Variants in TMEM26 observed in about 807,000 individuals in gnomAD.
TMEM26 encodes the protein transmembrane protein 26.
TMEM26 carries 38 observed loss-of-function variants against 28.8 expected under a neutral mutation model. That is an observed-to-expected ratio of 1.32 (90% CI 1.02 to 1.73). The LOEUF is 1.73. Among genes scored for constraint, TMEM26 ranks in the 40% most tolerant of loss-of-function variants. The pLI is 0.00. For missense variants in TMEM26, 518 were observed against 447.1 expected (o/e 1.16, Z -1.43); for synonymous variants, 227 against 182.9 (o/e 1.24, Z -1.95).
At position 61,438,315 on chromosome 10, in the gene TMEM26, T is replaced by C. The variant is rs922461078; in HGVS notation, c.192-2067A>G. 2.0e-5 allele frequency among the ~76,000 whole-genome samples: 3 copies of C among 152,296 alleles called. No individual in the cohort carries two copies. In the East Asian group the frequency reaches 5.8e-4, roughly 29 times the overall value. On this transcript the variant is annotated intron_variant, in intron 1 of 5. Transcript: ENST00000399298. ...CTTAGAAAAAAAAGAACAATTAACT[T>C]TTTGACCTCACATATCAAAGGAAAC...
chr10:61,447,070 G>A (rs756922123), intron 1 of TMEM26, among the ~76,000 whole-genome samples: 6 of 152,100 alleles, frequency 3.9e-5, no homozygotes, highest in Non-Finnish European at 7.4e-5. Context: ...CAGGCAACTT[G>A]GACACGAAGT....
intron 2 of TMEM26, among the ~76,000 whole-genome samples, chr10:61,434,541 T>C (rs1359307683): frequency 2.0e-5 from 3 of 152,176 alleles, no homozygotes; most frequent in Admixed American, 6.5e-5. Flanking sequence ...AAGTAGTAAA[T>C]AGTAAAGAGA....
intron 4 of TMEM26, among the ~76,000 whole-genome samples, chr10:61,418,995 G>T (rs1235191469): frequency 2.0e-5 from 3 of 152,116 alleles, no homozygotes; most frequent in Non-Finnish European, 4.4e-5. Context: ...ATTCCAATCT[G>T]CCCAAGTTAT....
chr10:61,452,677 G>T, intron 1 of TMEM26: 1 of 558,114 alleles, frequency 1.8e-6, no homozygotes, highest in South Asian at 2.3e-5. Context: ...TAGGCTCACA[G>T]ATCGAGCCTT....
chr10:61,450,111 C>T (rs1422745094), intron 1 of TMEM26, among the ~76,000 whole-genome samples: 1 of 152,096 alleles, frequency 6.6e-6, no homozygotes, highest in Non-Finnish European at 1.5e-5. Flanking sequence ...TATTTTTGCT[C>T]ATGTCTTCAC....
chr10:61,422,299 G>A (rs1839762374), intron 4 of TMEM26, among the ~76,000 whole-genome samples: 1 of 152,028 alleles, frequency 6.6e-6, no homozygotes, highest in South Asian at 2.1e-4. Flanking sequence ...ACACTATCAA[G>A]CAAGGTGATG....
intron 1 of TMEM26, among the ~76,000 whole-genome samples, chr10:61,439,124 T>C (rs903351289): frequency 6.6e-6 from 1 of 152,220 alleles, no homozygotes; most frequent in African/African-American, 2.4e-5. Context: ...TTATGAAAGC[T>C]TATTTTGGAA....
intron 3 of TMEM26, 58 bp from the exon 4 acceptor site, chr10:61,429,204 A>G: frequency 7.0e-7 from 1 of 1,427,960 alleles, no homozygotes. Context: ...AGAGAGAAAT[A>G]TTTTCCTCAC....
chr10:61,450,861 G>C (rs1479512263), intron 1 of TMEM26, among the ~76,000 whole-genome samples: 1 of 152,058 alleles, frequency 6.6e-6, no homozygotes, highest in African/African-American at 2.4e-5. Flanking sequence ...AGTGTGCCTA[G>C]TTGATACAAT....
chr10:61,439,423 T>C (rs1422557758), intron 1 of TMEM26, among the ~76,000 whole-genome samples: 2 of 152,196 alleles, frequency 1.3e-5, no homozygotes, highest in Non-Finnish European at 2.9e-5. Flanking sequence ...AGCAAATGCT[T>C]AAATATTTGA....
intron 1 of TMEM26, among the ~76,000 whole-genome samples, chr10:61,439,948 A>G (rs577052836): frequency 6.6e-6 from 1 of 152,162 alleles, no homozygotes; most frequent in South Asian, 2.1e-4. Context: ...TCAAAACTAA[A>G]CCTATATAAG....
At chr10:61,433,812 A>G (rs544118311) in intron 2 of TMEM26, among the ~76,000 whole-genome samples, 2 of 152,268 alleles carry the variant, frequency 1.3e-5, no homozygotes, top group African/African-American at 4.8e-5. Context: ...CACAGAACAC[A>G]TAGCTGAGAA....
At chr10:61,411,596 C>T (rs534119385) in intron 5 of TMEM26, among the ~76,000 whole-genome samples, 2 of 152,172 alleles carry the variant, frequency 1.3e-5, no homozygotes, top group East Asian at 1.9e-4. Flanking sequence ...GAATAAATGC[C>T]GTTGTTATTT....
At chr10:61,423,597 C>T (rs544913274) in intron 4 of TMEM26, among the ~76,000 whole-genome samples, 26 of 152,092 alleles carry the variant, frequency 1.7e-4, no homozygotes, top group Admixed American at 3.9e-4. Flanking sequence ...ACAAATTAGC[C>T]GGTGAGGGCC....
At chr10:61,449,253 T>G (rs1840234991) in intron 1 of TMEM26, among the ~76,000 whole-genome samples, 1 of 145,630 alleles carries the variant, frequency 6.9e-6, no homozygotes. Context: ...ACAAATTAAA[T>G]ATTAGGTGAA....
At chr10:61,428,536 A>G (rs1379923307) in intron 4 of TMEM26, among the ~76,000 whole-genome samples, 1 of 152,064 alleles carries the variant, frequency 6.6e-6, no homozygotes, top group Non-Finnish European at 1.5e-5. Context: ...GCTGTGTTCT[A>G]GGAGAGGATT....
At chr10:61,446,854 T>TAAAAAAAAAAAAAAA (rs1840191839) in intron 1 of TMEM26, among the ~76,000 whole-genome samples, 10 of 78,360 alleles carry the variant, frequency 1.3e-4, no homozygotes, top group African/African-American at 4.4e-4. Context: ...AAAAAAAAAT[T>TAAAAAAAAAAAAAAA]AAAAATGCTT....
chr10:61,418,129 C>T (rs1839684517), intron 4 of TMEM26, among the ~76,000 whole-genome samples: 2 of 151,760 alleles, frequency 1.3e-5, no homozygotes, highest in African/African-American at 4.8e-5. Flanking sequence ...TTATTCAAGA[C>T]TATTGCAATA....
chr10:61,432,027 C>T (rs762166042), intron 2 of TMEM26, among the ~76,000 whole-genome samples: 17 of 152,152 alleles, frequency 1.1e-4, no homozygotes, highest in Middle Eastern at 3.4e-3. Flanking sequence ...TACTGGCCTC[C>T]AGCTTCATTC....
Sources: allele counts gnomAD v4.1 joint callset (sites outside exome capture counted in the v4.1 genomes callset), GRCh38; gene constraint gnomAD v4.1.1; transcripts MANE v1.5; gene names NCBI Gene and HGNC (gene_info 2026-07-23, HGNC 2026-07-21).